Variants in ABI1 observed in about 807,000 individuals in gnomAD.
ABI1 encodes Abelson interactor 1.
Under a neutral mutation model 54.6 loss-of-function variants are expected in ABI1, and 14 were observed. The observed-to-expected ratio is 0.26, with a 90% CI of 0.17 to 0.40. The LOEUF is 0.40. Ranked by LOEUF, ABI1 falls within the 10% of genes least tolerant of loss-of-function variation. The pLI, the probability that ABI1 is intolerant of heterozygous loss-of-function variation, is 1.00. For synonymous variants in ABI1, 194 were observed against 209.3 expected, an observed-to-expected ratio of 0.93 and a Z score of 0.63; for missense variants, 443 against 598.3, an observed-to-expected ratio of 0.74 and a Z score of 2.71.
chr10:26,808,886 GA>G (rs1405286784), intron 2 of ABI1, among the ~76,000 whole-genome samples: 1 of 151,936 alleles, frequency 6.6e-6, no homozygotes, highest in African/African-American at 2.4e-5. Context: ...GGAGAAGGGG[GA>G]AAGGTAATAA....
chr10:26,804,367 AGCAAG>A (rs1369524289), intron 2 of ABI1, among the ~76,000 whole-genome samples: 1 of 151,594 alleles, frequency 6.6e-6, no homozygotes, highest in African/African-American at 2.4e-5. Flanking sequence ...TGGGTGACAG[AGCAAG>A]GCTCTATTTA....
At chr10:26,850,414 C>A (rs965159903) in intron 1 of ABI1, among the ~76,000 whole-genome samples, 1 of 151,890 alleles carries the variant, frequency 6.6e-6, no homozygotes, top group East Asian at 1.9e-4. Context: ...AATCCCAGCA[C>A]TTTGGGAGGC....
At chr10:26,755,605 T>C (rs1319231700) in intron 9 of ABI1, 50 bp downstream of exon 9, 8 of 1,430,056 alleles carry the variant, frequency 5.6e-6, no homozygotes, top group Non-Finnish European at 7.9e-6. Flanking sequence ...CCATGCATGC[T>C]ATAAGGAGAC....
At chr10:26,808,255 A>G (rs1055108144) in intron 2 of ABI1, among the ~76,000 whole-genome samples, 2 of 152,152 alleles carry the variant, frequency 1.3e-5, no homozygotes, top group African/African-American at 4.8e-5. Context: ...GACTCATTTG[A>G]TAGGAACTAT....
intron 1 of ABI1, among the ~76,000 whole-genome samples, chr10:26,857,581 C>G (rs1002525335): frequency 1.4e-5 from 2 of 147,824 alleles, no homozygotes; most frequent in Non-Finnish European, 3.0e-5. Flanking sequence ...GAGGTTGAGG[C>G]TGCAGTAAGC....
chr10:26,778,894 T>C (rs1360802688), intron 2 of ABI1, among the ~76,000 whole-genome samples: 1 of 152,234 alleles, frequency 6.6e-6, no homozygotes, highest in African/African-American at 2.4e-5. Context: ...TTCTCTAATG[T>C]ACACAACTGT....
At chr10:26,781,387 T>C (rs1842084990) in intron 2 of ABI1, among the ~76,000 whole-genome samples, 1 of 152,266 alleles carries the variant, frequency 6.6e-6, no homozygotes, top group African/African-American at 2.4e-5. Flanking sequence ...TGAGAAAGTC[T>C]GATCTTACAT....
At chr10:26,856,930 C>T (rs1391009562) in intron 1 of ABI1, among the ~76,000 whole-genome samples, 1 of 152,078 alleles carries the variant, frequency 6.6e-6, no homozygotes, top group African/African-American at 2.4e-5. Context: ...CATGTGTGTT[C>T]AAATTAAGCA....
intron 2 of ABI1, among the ~76,000 whole-genome samples, chr10:26,819,015 A>G (rs901913784): frequency 6.6e-6 from 1 of 152,200 alleles, no homozygotes; most frequent in African/African-American, 2.4e-5. Flanking sequence ...AAGAAAGTGC[A>G]TGACACCAAC....
At chr10:26,844,146 C>G (rs1395859992) in intron 1 of ABI1, among the ~76,000 whole-genome samples, 3 of 152,180 alleles carry the variant, frequency 2.0e-5, no homozygotes, top group Non-Finnish European at 4.4e-5. Flanking sequence ...GCACTTGACA[C>G]TACTCACAGC....
chr10:26,837,322 A>G (rs1433747141), intron 1 of ABI1, among the ~76,000 whole-genome samples: 2 of 152,126 alleles, frequency 1.3e-5, no homozygotes, highest in Non-Finnish European at 2.9e-5. Flanking sequence ...AGAGAGACCA[A>G]TCTCTGTTGT....
At chr10:26,800,983 G>C (rs2046516162) in intron 2 of ABI1, among the ~76,000 whole-genome samples, 1 of 152,232 alleles carries the variant, frequency 6.6e-6, no homozygotes. Flanking sequence ...TCCAGCCTGG[G>C]CAACAAGAGC....
intron 2 of ABI1, among the ~76,000 whole-genome samples, chr10:26,791,420 T>C (rs1477535359): frequency 6.6e-6 from 1 of 152,138 alleles, no homozygotes; most frequent in Non-Finnish European, 1.5e-5. Context: ...ATACACCCGA[T>C]TGTCCCCCTT....
At chr10:26,796,906 T>C (rs1243500140) in intron 2 of ABI1, among the ~76,000 whole-genome samples, 2 of 152,248 alleles carry the variant, frequency 1.3e-5, no homozygotes, top group African/African-American at 2.4e-5. Context: ...TTAGGTCCCT[T>C]GGACATAAGG....
intron 2 of ABI1, among the ~76,000 whole-genome samples, chr10:26,807,923 C>G (rs1457684776): frequency 6.6e-6 from 1 of 151,990 alleles, no homozygotes; most frequent in South Asian, 2.1e-4. Flanking sequence ...GAAACCCCGC[C>G]TCTATTAAAA....
intron 9 of ABI1, among the ~76,000 whole-genome samples, chr10:26,753,093 G>A (rs751830877): frequency 2.0e-5 from 3 of 152,100 alleles, no homozygotes; most frequent in Admixed American, 6.5e-5. Flanking sequence ...AAGGGCTCCA[G>A]GTTTAAAATA....
chr10:26,749,192 T>C (rs947239256), intron 10 of ABI1, among the ~76,000 whole-genome samples: 3 of 152,172 alleles, frequency 2.0e-5, no homozygotes, highest in Admixed American at 2.0e-4. Flanking sequence ...TCCTACTCAT[T>C]CAAGGACCCA....
chr10:26,833,503 C>T (rs1452497919), intron 1 of ABI1, among the ~76,000 whole-genome samples: 2 of 152,110 alleles, frequency 1.3e-5, no homozygotes, highest in South Asian at 2.1e-4. Flanking sequence ...ACCTGAAAAA[C>T]CCCAGCTCTA....
intron 2 of ABI1, among the ~76,000 whole-genome samples, chr10:26,800,967 T>C (rs532874248): frequency 7.9e-5 from 12 of 151,900 alleles, no homozygotes; most frequent in African/African-American, 2.9e-4. Context: ...GATTGTGCCA[T>C]TGCACTCCAG....
Sources: gnomAD v4.1 joint callset for allele counts (sites outside exome capture counted in the v4.1 genomes callset) on GRCh38, gnomAD v4.1.1 for gene constraint, MANE v1.5 for transcripts, NCBI Gene and HGNC (gene_info 2026-07-23, HGNC 2026-07-21) for gene names.